LYPLAL1: variants seen among roughly 807,000 people sequenced by gnomAD.
LYPLAL1 encodes lysophospholipase-like protein 1.
In LYPLAL1, 23 loss-of-function variants were observed where a neutral mutation model predicts 19.7. The ratio of observed to expected loss-of-function variants is 1.17; its 90% CI spans 0.84 to 1.65. LYPLAL1 has a LOEUF of 1.65. Ranked by LOEUF, LYPLAL1 falls within the 40% of genes most tolerant of loss-of-function variation. The pLI, the probability that LYPLAL1 is intolerant of heterozygous loss-of-function variation, is 0.00. For missense variants in LYPLAL1, 355 were observed against 279.4 expected (o/e 1.27, Z -1.93); for synonymous variants, 119 against 96.3 (o/e 1.24, Z -1.38).
intron 1 of LYPLAL1, among the ~76,000 whole-genome samples, chr1:219,177,827 A>G (rs996717121): frequency 6.6e-6 from 1 of 152,192 alleles, no homozygotes; most frequent in Non-Finnish European, 1.5e-5. Flanking sequence ...GAATCATGCC[A>G]ACCTTTCTGT....
At chr1:219,181,294 C>G (rs2125030979) in intron 2 of LYPLAL1, among the ~76,000 whole-genome samples, 1 of 152,036 alleles carries the variant, frequency 6.6e-6, no homozygotes, top group Non-Finnish European at 1.5e-5. Context: ...CTCAAGTTGC[C>G]CTGGCTACAT....
chr1:219,392,885 A>G, the LYPLAL1 span, among the ~76,000 whole-genome samples: 1 of 152,162 alleles, frequency 6.6e-6, no homozygotes, highest in East Asian at 1.9e-4. Flanking sequence ...TAACTCAGAT[A>G]CCTTTTATAT....
chr1:219,182,861 G>A (rs577966739), intron 2 of LYPLAL1, among the ~76,000 whole-genome samples: 1 of 151,908 alleles, frequency 6.6e-6, no homozygotes, highest in Non-Finnish European at 1.5e-5. Context: ...CCTGTTAGTT[G>A]GCCAGTTTTG....
At chr1:219,196,867 A>G (rs954580556) in intron 3 of LYPLAL1, among the ~76,000 whole-genome samples, 2 of 152,172 alleles carry the variant, frequency 1.3e-5, no homozygotes, top group African/African-American at 4.8e-5. Flanking sequence ...AGGCAAGCAG[A>G]GAGCTAAATC....
At chr1:219,415,595 C>T in the LYPLAL1 span, among the ~76,000 whole-genome samples, 1 of 152,186 alleles carries the variant, frequency 6.6e-6, no homozygotes, top group Non-Finnish European at 1.5e-5. Flanking sequence ...GAAATATGAA[C>T]TCTTGCACTT....
the LYPLAL1 span, among the ~76,000 whole-genome samples, chr1:219,236,008 T>C: frequency 6.6e-6 from 1 of 152,184 alleles, no homozygotes; most frequent in Non-Finnish European, 1.5e-5. Context: ...GACCTATAAA[T>C]AAAATTGTTA....
At chr1:219,191,768 A>G (rs559740983) in intron 2 of LYPLAL1, among the ~76,000 whole-genome samples, 9 of 151,558 alleles carry the variant, frequency 5.9e-5, no homozygotes, top group Non-Finnish European at 1.2e-4. Flanking sequence ...AATTTTATGT[A>G]TCTGCATAAA....
the LYPLAL1 span, among the ~76,000 whole-genome samples, chr1:219,317,205 T>C: frequency 6.6e-6 from 1 of 152,232 alleles, no homozygotes; most frequent in Non-Finnish European, 1.5e-5. Context: ...TTTTCTTAAA[T>C]CCTTCATGCA....
chr1:219,233,325 C>T, the LYPLAL1 span, among the ~76,000 whole-genome samples: 1 of 152,108 alleles, frequency 6.6e-6, no homozygotes, highest in African/African-American at 2.4e-5. Flanking sequence ...AAAATAGGAT[C>T]GTAGTTGCCT....
the LYPLAL1 span, among the ~76,000 whole-genome samples, chr1:219,327,278 C>T: frequency 6.6e-6 from 1 of 152,130 alleles, no homozygotes. Context: ...CTTTAGCCAC[C>T]CCCAGCTGTT....
At chr1:219,177,967 T>C (rs1477917601) in intron 1 of LYPLAL1, among the ~76,000 whole-genome samples, 1 of 152,210 alleles carries the variant, frequency 6.6e-6, no homozygotes, top group Non-Finnish European at 1.5e-5. Flanking sequence ...CTCCCTCTTA[T>C]CCAGAATCCT....
the LYPLAL1 span, among the ~76,000 whole-genome samples, chr1:219,308,849 C>T: frequency 2.0e-5 from 3 of 152,204 alleles, no homozygotes; most frequent in Non-Finnish European, 4.4e-5. Flanking sequence ...GGAGCCCCCA[C>T]ACAGAGTCCC....
At chr1:219,243,961 AG>A in the LYPLAL1 span, among the ~76,000 whole-genome samples, 215 of 149,310 alleles carry the variant, frequency 1.4e-3, no homozygotes, top group South Asian at 3.6e-3. Context: ...GAGGTAGGGG[AG>A]GGCTTTTTTA....
intron 3 of LYPLAL1, among the ~76,000 whole-genome samples, chr1:219,196,135 A>T (rs939058156): frequency 2.0e-5 from 3 of 152,264 alleles, no homozygotes; most frequent in East Asian, 3.9e-4. Context: ...TGCAGTGGAC[A>T]TATGTGTGCA....
the LYPLAL1 span, among the ~76,000 whole-genome samples, chr1:219,383,673 A>G: frequency 2.6e-5 from 4 of 152,212 alleles, no homozygotes; most frequent in Non-Finnish European, 5.9e-5. Flanking sequence ...ATAAAAACAC[A>G]AAGAACTATA....
rs1201918132 is a variant in LYPLAL1, at chr1:219,173,945, AGG to A, written c.56_57del (p.Arg19ThrfsTer2). The A allele has an allele frequency of 6.2e-7, 1 of 1,613,770 alleles. No individual in the cohort carries two copies. Among genetic ancestry groups the A allele is most frequent in the Non-Finnish European group, 8.5e-7 (1 of 1,179,950 alleles). ...GCGCTGTATCGTGTCGCCGGCAGGGAGGCATAGCGCCTCTCTGATCTTCCTGC... is the reference window on the plus strand; with the variant it reads ...GCGCTGTATCGTGTCGCCGGCAGGGACATAGCGCCTCTCTGATCTTCCTGC... ...LQRCIVSPAGRHSASLIFLHG... is the reference protein window; with the variant it reads ...LQRCIVSPAGXHSASLIFLHG... On this transcript the variant is annotated frameshift_variant, in exon 1 of 5. Transcript: ENST00000366928. LOFTEE classifies it high-confidence loss of function.
downstream of LYPLAL1, chr1:219,212,963 G>A (rs1388754866): frequency 1.3e-5 from 2 of 152,018 alleles, no homozygotes; most frequent in African/African-American, 2.4e-5. Context: ...CCAAGAAATA[G>A]CCAACTCTTT....
chr1:219,379,726 A>T, the LYPLAL1 span, among the ~76,000 whole-genome samples: 1 of 152,242 alleles, frequency 6.6e-6, no homozygotes, highest in Non-Finnish European at 1.5e-5. Flanking sequence ...ATTCCATTTT[A>T]TTATTCATTT....
chr1:219,306,252 C>A, the LYPLAL1 span, among the ~76,000 whole-genome samples: 69 of 152,298 alleles, frequency 4.5e-4, no homozygotes, highest in African/African-American at 1.5e-3. Flanking sequence ...AGATATGTAA[C>A]TTGTAAACAA....
Sources: gnomAD v4.1 joint callset for allele counts (sites outside exome capture counted in the v4.1 genomes callset) on GRCh38, gnomAD v4.1.1 for gene constraint, MANE v1.5 for transcripts, NCBI Gene and HGNC (gene_info 2026-07-23, HGNC 2026-07-21) for gene names.